Variants in DAB1 observed in about 807,000 individuals in gnomAD.
The protein encoded by DAB1 is disabled homolog 1.
In DAB1, 15 loss-of-function variants were observed where a neutral mutation model predicts 64.6. The ratio of observed to expected loss-of-function variants is 0.23; its 90% confidence interval spans 0.16 to 0.36. The LOEUF (loss-of-function observed/expected upper bound fraction) is 0.36. Ranked by LOEUF, DAB1 falls within the 10% of genes least tolerant of loss-of-function variation. The pLI is 1.00. For synonymous variants in DAB1, 235 were observed against 251.9 expected (o/e 0.93, Z 0.64); for missense variants, 596 against 706.7 (o/e 0.84, Z 1.78).
intron 1 of DAB1, among the ~76,000 whole-genome samples, chr1:57,320,692 T>TTA (rs35541612): frequency 0.021 from 3,183 of 152,276 alleles, 39 homozygotes; most frequent in South Asian, 0.036. Flanking sequence ...TTATAAAATA[T>TTA]TATATATATC....
At chr1:58,314,430 A>G (rs948411207) in intron 4 of DAB1, among the ~76,000 whole-genome samples, 3 of 151,790 alleles carry the variant, frequency 2.0e-5, no homozygotes, top group Non-Finnish European at 2.9e-5. Flanking sequence ...ACTCTTTTGG[A>G]TTCTCTGGTT....
chr1:57,176,887 T>A, intron 2 of DAB1, among the ~76,000 whole-genome samples: 1 of 140,718 alleles, frequency 7.1e-6, no homozygotes, highest in Admixed American at 7.7e-5. Flanking sequence ...TAGCAGAAAA[T>A]GCCACCCAAA....
chr1:57,564,120 C>T (rs1002334638), intron 7 of DAB1, among the ~76,000 whole-genome samples: 2 of 152,178 alleles, frequency 1.3e-5, no homozygotes, highest in Admixed American at 6.5e-5. Context: ...GCAACATTTG[C>T]TATTCACCAA....
At chr1:58,038,072 G>A (rs866771062) in intron 5 of DAB1, among the ~76,000 whole-genome samples, 1 of 152,198 alleles carries the variant, frequency 6.6e-6, no homozygotes, top group Non-Finnish European at 1.5e-5. Context: ...AAGCCATTAA[G>A]CAGAAGACTG....
intron 7 of DAB1, among the ~76,000 whole-genome samples, chr1:57,451,971 C>G (rs1686386883): frequency 6.6e-6 from 1 of 151,954 alleles, no homozygotes; most frequent in African/African-American, 2.4e-5. Context: ...TTTACAAAGC[C>G]ACTTTTTCAT....
intron 6 of DAB1, among the ~76,000 whole-genome samples, chr1:57,811,103 C>G (rs1368472632): frequency 2.0e-5 from 3 of 152,222 alleles, no homozygotes; most frequent in African/African-American, 7.2e-5. Flanking sequence ...TGCTTTTGCA[C>G]TTAAGGCCCA....
chr1:57,345,553 TAAG>T (rs142353282), intron 1 of DAB1, among the ~76,000 whole-genome samples: 4,446 of 152,292 alleles, frequency 0.029, 131 homozygotes, highest in Admixed American at 0.077. Flanking sequence ...ACCTAAATCA[TAAG>T]AACTTTTATG....
At chr1:58,219,729 C>A (rs1356846285) in intron 4 of DAB1, among the ~76,000 whole-genome samples, 2 of 152,228 alleles carry the variant, frequency 1.3e-5, no homozygotes, top group Non-Finnish European at 2.9e-5. Flanking sequence ...ACCTGCACCA[C>A]ACACCCTTGG....
At chr1:58,413,870 C>G (rs1312960836) in intron 3 of DAB1, among the ~76,000 whole-genome samples, 1 of 152,108 alleles carries the variant, frequency 6.6e-6, no homozygotes, top group Admixed American at 6.5e-5. Context: ...ACAGGGATAC[C>G]TTCTGAGAAC....
At chr1:58,156,714 A>T (rs980242310) in intron 4 of DAB1, among the ~76,000 whole-genome samples, 5 of 152,156 alleles carry the variant, frequency 3.3e-5, no homozygotes, top group Non-Finnish European at 5.9e-5. Context: ...ACAGAAGGGA[A>T]CAACATGTGC....
In DAB1 at chr1:58,185,196, A is replaced by G. The variant is rs75257317; in HGVS notation, n.310-34608T>C. 3.7e-3 allele frequency among the ~76,000 whole-genome samples: 558 copies of G among 152,316 alleles called. 4 individuals are homozygous for G. The highest frequency in any genetic ancestry group is 0.013 in the African/African-American group (524 of 41,586). On this transcript the variant is annotated intron_variant and non_coding_transcript_variant, in intron 4 of 20. Transcript: ENST00000485760. ...ATTCTAGTCTGGGTCCTACTCATCA[A>G]TCTGTCTCAAAGTAACCCTTCCTAT...
chr1:57,539,765 C>G (rs1450306601), intron 7 of DAB1, among the ~76,000 whole-genome samples: 1 of 152,150 alleles, frequency 6.6e-6, no homozygotes, highest in Non-Finnish European at 1.5e-5. Flanking sequence ...TCATCTCCAA[C>G]TTGTACATAA....
rs1658994636 is a variant in DAB1, at chr1:57,145,224, G to T, written c.207+66C>A. On this transcript the variant is annotated intron_variant, in intron 3 of 14. Transcript: ENST00000371236. ...AATAAAGTTATTTACAATTATGATG[G>T]TAATCACTTCTTTTCCTCATTCACA... is the stretch of plus-strand genomic sequence containing the variant. 2.7e-6 allele frequency: 4 copies of T among 1,465,266 alleles called. 1 individual carries two copies. The Admixed American group carries it at 6.9e-5, about 25-fold the overall frequency. The allele number at this position is 1,465,266 out of a possible 1,614,324, so 90.8% of individuals were successfully genotyped here.
intron 1 of DAB1, among the ~76,000 whole-genome samples, chr1:57,857,336 C>A (rs767626305): frequency 1.5e-4 from 23 of 152,120 alleles, no homozygotes; most frequent in Non-Finnish European, 2.8e-4. Flanking sequence ...CTCTGAATGA[C>A]TAAATGACAC....
At chr1:57,108,264 G>A (rs147581866) in intron 4 of DAB1, among the ~76,000 whole-genome samples, 1 of 152,258 alleles carries the variant, frequency 6.6e-6, no homozygotes, top group Non-Finnish European at 1.5e-5. Flanking sequence ...AATTCGGTAA[G>A]GAGAAATGAC....
At chr1:58,534,577 T>C (rs1646487209) in intron 1 of DAB1, among the ~76,000 whole-genome samples, 3 of 152,256 alleles carry the variant, frequency 2.0e-5, no homozygotes, top group Admixed American at 6.5e-5. Context: ...AAAATTTCAT[T>C]CTTTTCGATT....
intron 1 of DAB1, among the ~76,000 whole-genome samples, chr1:57,399,370 C>T (rs1683061839): frequency 6.6e-6 from 1 of 152,104 alleles, no homozygotes; most frequent in African/African-American, 2.4e-5. Context: ...GGATGGATGG[C>T]ATAGTTTCCT....
At position 57,785,364 on chromosome 1, in the gene DAB1, C is replaced by T. The variant is rs572416115; in HGVS notation, n.551+98635G>A. ...TTGACTTTCAAATATTTAAGAAATA[C>T]GATTCATAAGGATATGGATGCATAG... On this transcript the variant is annotated intron_variant and non_coding_transcript_variant, in intron 6 of 20. Transcript: ENST00000485760. Among the ~76,000 whole-genome samples the T allele has an allele frequency of 3.9e-5, 6 of 152,188 alleles. No homozygotes were observed. The East Asian group carries it at 5.8e-4, about 15-fold the overall frequency.
At chr1:58,170,210 G>A (rs1385360019) in intron 4 of DAB1, among the ~76,000 whole-genome samples, 2 of 152,174 alleles carry the variant, frequency 1.3e-5, no homozygotes, top group Non-Finnish European at 2.9e-5. Flanking sequence ...CATGGGGACT[G>A]GAGTTGTAAA....
Sources: allele counts gnomAD v4.1 joint callset (sites outside exome capture counted in the v4.1 genomes callset), GRCh38; gene constraint gnomAD v4.1.1; transcripts MANE v1.5; gene names NCBI Gene and HGNC (gene_info 2026-07-23, HGNC 2026-07-21).